The following STXBP5L variants were observed in gnomAD, a reference collection of about 807,000 sequenced individuals.
STXBP5L encodes syntaxin binding protein 5L.
A neutral mutation model predicts 144.5 loss-of-function variants in STXBP5L; 65 were observed. That is an observed-to-expected ratio of 0.45 (90% CI 0.37 to 0.55). The LOEUF is 0.55. Among genes scored for constraint, STXBP5L ranks in the 20% least tolerant of loss-of-function variants. The pLI is 0.00. For synonymous variants in STXBP5L, 505 were observed against 469.6 expected, an observed-to-expected ratio of 1.08 and a Z score of -0.97; for missense variants, 1,298 against 1,405.5, an observed-to-expected ratio of 0.92 and a Z score of 1.22.
intron 9 of STXBP5L, among the ~76,000 whole-genome samples, chr3:121,177,458 T>C (rs2046979475): frequency 6.6e-6 from 1 of 152,150 alleles, no homozygotes; most frequent in Non-Finnish European, 1.5e-5. Context: ...CCAATTTGAA[T>C]GGACATTTCT....
intron 3 of STXBP5L, among the ~76,000 whole-genome samples, chr3:121,031,968 G>A (rs748713682): frequency 5.9e-5 from 9 of 152,070 alleles, no homozygotes; most frequent in Non-Finnish European, 1.2e-4. Context: ...GGATTTGGTA[G>A]GAAAGATAAC....
chr3:121,105,307 A>T (rs1223698231), intron 5 of STXBP5L, among the ~76,000 whole-genome samples: 2 of 151,978 alleles, frequency 1.3e-5, no homozygotes, highest in African/African-American at 4.8e-5. Flanking sequence ...GAGGCAGGAG[A>T]ATCGCTTGAA....
Position 121,191,037 on chromosome 3 carries a change from G to C in STXBP5L, c.878-14886G>C, listed in dbSNP as rs542612594. Reference sequence around the variant, plus strand: ...TAGACGGGATGACTGCTGGGAAGAGGCGCTCCTCACTTCCCAGACTGGGTG... The same window carrying C: ...TAGACGGGATGACTGCTGGGAAGAGCCGCTCCTCACTTCCCAGACTGGGTG... On this transcript the variant is annotated intron_variant, in intron 9 of 26. Transcript: ENST00000471454. Among the ~76,000 whole-genome samples the C allele has an allele frequency of 2.0e-5, 3 of 151,582 alleles. No individual in the cohort carries two copies. The South Asian group carries it at 6.3e-4, about 32-fold the overall frequency.
chr3:120,954,889 T>C (rs895950782), intron 2 of STXBP5L, 51 bp from the exon 3 acceptor site: 2 of 1,492,920 alleles, frequency 1.3e-6, no homozygotes, highest in Non-Finnish European at 1.8e-6. Context: ...ATCTTGTGAT[T>C]GTAATTTTTA....
chr3:120,913,354 C>T (rs1389809432), intron 2 of STXBP5L, among the ~76,000 whole-genome samples: 1 of 151,882 alleles, frequency 6.6e-6, no homozygotes, highest in Non-Finnish European at 1.5e-5. Flanking sequence ...AGGGATGAGT[C>T]CTAGGCACTT....
chr3:121,023,958 C>G (rs1300283872), intron 3 of STXBP5L, among the ~76,000 whole-genome samples: 1 of 152,050 alleles, frequency 6.6e-6, no homozygotes, highest in Admixed American at 6.6e-5. Flanking sequence ...TGGAGTTTCA[C>G]CGTGTTAGCC....
At chr3:121,031,081 G>T (rs1946335703) in intron 3 of STXBP5L, among the ~76,000 whole-genome samples, 1 of 152,042 alleles carries the variant, frequency 6.6e-6, no homozygotes, top group Admixed American at 6.6e-5. Flanking sequence ...CTCAGAGAAG[G>T]AAAAGGCTGA....
intron 3 of STXBP5L, among the ~76,000 whole-genome samples, chr3:121,009,359 A>C (rs928161741): frequency 6.6e-6 from 1 of 151,972 alleles, no homozygotes; most frequent in Non-Finnish European, 1.5e-5. Context: ...CTGACCAACC[A>C]ATCATGCCAT....
intron 3 of STXBP5L, among the ~76,000 whole-genome samples, chr3:121,005,715 T>G (rs1181468837): frequency 6.6e-6 from 1 of 152,236 alleles, no homozygotes. Context: ...CTCTACACAC[T>G]GCTTTAAATG....
chr3:121,385,415 A>G (rs6793029), intron 22 of STXBP5L, among the ~76,000 whole-genome samples: 119,637 of 152,086 alleles, frequency 0.79, 47,228 homozygotes, highest in East Asian at 0.89. Context: ...CTCACTAATC[A>G]CCAAGGAGAT....
At chr3:121,174,700 A>T (rs375694709) in intron 9 of STXBP5L, among the ~76,000 whole-genome samples, 1 of 152,208 alleles carries the variant, frequency 6.6e-6, no homozygotes, top group African/African-American at 2.4e-5. Context: ...GGCTACAGAC[A>T]TAAGGTCTTT....
At chr3:121,355,734 C>G (rs1253779555) in intron 20 of STXBP5L, among the ~76,000 whole-genome samples, 2 of 152,092 alleles carry the variant, frequency 1.3e-5, no homozygotes, top group Non-Finnish European at 2.9e-5. Flanking sequence ...CTGTTACTGG[C>G]GAGGAGCTGC....
At chr3:121,356,234 A>G (rs939038489) in intron 20 of STXBP5L, among the ~76,000 whole-genome samples, 1 of 152,220 alleles carries the variant, frequency 6.6e-6, no homozygotes, top group Non-Finnish European at 1.5e-5. Flanking sequence ...GAGCTATCAG[A>G]CAGGGACATT....
chr3:121,012,647 A>T (rs557346280), intron 3 of STXBP5L, among the ~76,000 whole-genome samples: 27 of 151,514 alleles, frequency 1.8e-4, no homozygotes, highest in African/African-American at 6.1e-4. Context: ...TGTCGATTTA[A>T]ATATTTTGCT....
chr3:120,973,755 C>T (rs1243021043), intron 3 of STXBP5L, among the ~76,000 whole-genome samples: 1 of 150,078 alleles, frequency 6.7e-6, no homozygotes, highest in African/African-American at 2.5e-5. Context: ...CATGTGTTCT[C>T]ATTGTTCAAT....
At chr3:120,942,728 G>A (rs1000769664) in intron 2 of STXBP5L, among the ~76,000 whole-genome samples, 9 of 150,566 alleles carry the variant, frequency 6.0e-5, no homozygotes, top group African/African-American at 2.2e-4. Context: ...GTATTTATAT[G>A]CATTATTTCA....
At chr3:120,966,539 C>A (rs768087846) in intron 3 of STXBP5L, among the ~76,000 whole-genome samples, 1 of 152,144 alleles carries the variant, frequency 6.6e-6, no homozygotes, top group African/African-American at 2.4e-5. Context: ...CAGTCAGGTC[C>A]CTCAACTGCA....
chr3:121,285,454 A>G (rs2051199585), intron 19 of STXBP5L, among the ~76,000 whole-genome samples: 1 of 151,978 alleles, frequency 6.6e-6, no homozygotes, highest in Non-Finnish European at 1.5e-5. Context: ...ATCAGAAAAC[A>G]CCTCAGTTTT....
chr3:120,992,002 T>C (rs568407598), intron 3 of STXBP5L, among the ~76,000 whole-genome samples: 1 of 150,384 alleles, frequency 6.6e-6, no homozygotes, highest in Non-Finnish European at 1.5e-5. Flanking sequence ...TTAAAAAAAT[T>C]AATATTTATA....
Sources: gnomAD v4.1 joint callset for allele counts (sites outside exome capture counted in the v4.1 genomes callset) on GRCh38, gnomAD v4.1.1 for gene constraint, MANE v1.5 for transcripts, NCBI Gene and HGNC (gene_info 2026-07-23, HGNC 2026-07-21) for gene names.